The following ERBB4 variants were observed in gnomAD, a reference collection of about 807,000 sequenced individuals.
ERBB4 encodes the protein erb-b2 receptor tyrosine kinase 4, also known as receptor tyrosine-protein kinase erbB-4.
A neutral mutation model predicts 158.0 loss-of-function variants in ERBB4; 42 were observed. That is an observed-to-expected ratio of 0.27 (90% CI 0.21 to 0.34). ERBB4 has a LOEUF of 0.34. Among genes scored for constraint, ERBB4 ranks in the 10% least tolerant of loss-of-function variants. The probability of loss-of-function intolerance (pLI) is 1.00; values close to 1 mark genes in which losing one functional copy is unlikely to be tolerated. For synonymous variants in ERBB4, 583 were observed against 558.7 expected (o/e 1.04, Z -0.61); for missense variants, 1,333 against 1,624.1 (o/e 0.82, Z 3.08).
intron 1 of ERBB4, among the ~76,000 whole-genome samples, chr2:212,182,230 T>C (rs1427828138): frequency 6.6e-6 from 1 of 151,812 alleles, no homozygotes; most frequent in African/African-American, 2.4e-5. Context: ...ATTTTAATGA[T>C]GATGAAATAA....
At chr2:211,737,365 T>C (rs972867531) in intron 5 of ERBB4, among the ~76,000 whole-genome samples, 2 of 152,182 alleles carry the variant, frequency 1.3e-5, no homozygotes, top group Non-Finnish European at 2.9e-5. Context: ...AGAAATCTCA[T>C]ATTCTCCTCC....
At chr2:212,309,537 A>G (rs1049362047) in intron 1 of ERBB4, among the ~76,000 whole-genome samples, 3 of 150,866 alleles carry the variant, frequency 2.0e-5, no homozygotes, top group South Asian at 4.1e-4. Flanking sequence ...TATCTAGCAG[A>G]GTGACTGGTG....
chr2:212,500,822 G>T (rs909121738), intron 1 of ERBB4, among the ~76,000 whole-genome samples: 1 of 151,980 alleles, frequency 6.6e-6, no homozygotes, highest in Admixed American at 6.6e-5. Context: ...AGGAAAAGAA[G>T]GAGATTTAAA....
chr2:211,975,825 G>T (rs1235660734), intron 2 of ERBB4, among the ~76,000 whole-genome samples: 2 of 152,062 alleles, frequency 1.3e-5, no homozygotes, highest in Admixed American at 1.3e-4. Context: ...TCCAAAAAAA[G>T]CCAGTGTTTG....
At chr2:212,436,090 CATT>C (rs558715856) in intron 1 of ERBB4, among the ~76,000 whole-genome samples, 115 of 151,862 alleles carry the variant, frequency 7.6e-4, no homozygotes, top group East Asian at 5.0e-3. Context: ...ATTTGTCAAT[CATT>C]GTATATAACA....
At chr2:211,895,675 A>G (rs192392113) in intron 3 of ERBB4, among the ~76,000 whole-genome samples, 1 of 152,072 alleles carries the variant, frequency 6.6e-6, no homozygotes, top group Non-Finnish European at 1.5e-5. Context: ...CCTTACATAC[A>G]TCTCCAAATT....
At chr2:212,389,863 A>T (rs1326648735) in intron 1 of ERBB4, among the ~76,000 whole-genome samples, 2 of 151,976 alleles carry the variant, frequency 1.3e-5, no homozygotes, top group Non-Finnish European at 2.9e-5. Context: ...GGTGAAATTC[A>T]GCTGATGTTA....
At chr2:211,433,235 A>C (rs1007903115) in intron 20 of ERBB4, among the ~76,000 whole-genome samples, 4 of 152,250 alleles carry the variant, frequency 2.6e-5, no homozygotes, top group African/African-American at 7.2e-5. Flanking sequence ...TAAAGAACTT[A>C]GACTTTTGCA....
At chr2:211,810,818 G>A (rs915846792) in intron 3 of ERBB4, among the ~76,000 whole-genome samples, 3 of 151,826 alleles carry the variant, frequency 2.0e-5, no homozygotes, top group East Asian at 3.9e-4. Context: ...GACTACAGGC[G>A]CCCGCCACCG....
chr2:212,328,221 C>CACAT (rs775106648), intron 1 of ERBB4, among the ~76,000 whole-genome samples: 25 of 151,966 alleles, frequency 1.6e-4, no homozygotes, highest in Non-Finnish European at 2.8e-4. Flanking sequence ...TAGCAAGGAG[C>CACAT]ATGTACCTGA....
At chr2:211,524,764 C>T (rs2066297546) in intron 20 of ERBB4, among the ~76,000 whole-genome samples, 1 of 152,176 alleles carries the variant, frequency 6.6e-6, no homozygotes, top group South Asian at 2.1e-4. Context: ...TCTCCCTCCA[C>T]ACCTCCCTGC....
intron 6 of ERBB4, 123 bp from the exon 7 acceptor site, chr2:211,722,657 AT>A: frequency 1.9e-6 from 2 of 1,077,110 alleles, no homozygotes; most frequent in Non-Finnish European, 2.7e-6. Flanking sequence ...AAATTTGATA[AT>A]TTAAGAGTCA....
intron 1 of ERBB4, among the ~76,000 whole-genome samples, chr2:212,297,016 T>C (rs148330924): frequency 6.6e-6 from 1 of 151,938 alleles, no homozygotes; most frequent in Non-Finnish European, 1.5e-5. Flanking sequence ...CCCAGGCTCA[T>C]AACTCGAGGT....
At chr2:211,563,504 A>G (rs2067463378) in intron 19 of ERBB4, among the ~76,000 whole-genome samples, 1 of 152,234 alleles carries the variant, frequency 6.6e-6, no homozygotes. Context: ...TGATGTTCAA[A>G]CTAACATTTA....
At chr2:211,772,842 T>TATATATATATATATATATACAC (rs2075735148) in intron 4 of ERBB4, among the ~76,000 whole-genome samples, 1 of 56,892 alleles carries the variant, frequency 1.8e-5, no homozygotes, top group East Asian at 5.1e-4. Flanking sequence ...TATACACATA[T>TATATATATATATATATATACAC]ATATATATAT....
At chr2:211,907,864 G>A (rs1226449762) in intron 3 of ERBB4, among the ~76,000 whole-genome samples, 2 of 151,624 alleles carry the variant, frequency 1.3e-5, no homozygotes, top group Non-Finnish European at 2.9e-5. Context: ...AAGTTTGGGA[G>A]TTTAAGCTAA....
chr2:212,395,030 G>T (rs1280305600), intron 1 of ERBB4, among the ~76,000 whole-genome samples: 1 of 152,022 alleles, frequency 6.6e-6, no homozygotes, highest in Non-Finnish European at 1.5e-5. Flanking sequence ...ACTTTCACAG[G>T]TTTGCTGCCA....
intron 16 of ERBB4, among the ~76,000 whole-genome samples, chr2:211,635,708 T>C (rs1028904454): frequency 2.0e-5 from 3 of 152,156 alleles, no homozygotes; most frequent in Admixed American, 6.5e-5. Context: ...GGACTGGCTA[T>C]CTTTTAAAAA....
At chr2:212,281,664 T>C (rs1217001303) in intron 1 of ERBB4, among the ~76,000 whole-genome samples, 2 of 151,860 alleles carry the variant, frequency 1.3e-5, no homozygotes, top group Non-Finnish European at 2.9e-5. Context: ...AGAAAATTTC[T>C]GCATTGAAAG....
Sources: allele counts gnomAD v4.1 joint callset (sites outside exome capture counted in the v4.1 genomes callset), GRCh38; gene constraint gnomAD v4.1.1; transcripts MANE v1.5; gene names NCBI Gene and HGNC (gene_info 2026-07-23, HGNC 2026-07-21).